The following ARID1B variants were observed in gnomAD, a reference collection of about 807,000 sequenced individuals.
The protein encoded by ARID1B is AT-rich interaction domain 1B.
Under a neutral mutation model 212.3 loss-of-function variants are expected in ARID1B, and 30 were observed. That is an observed-to-expected ratio of 0.14 (90% CI 0.11 to 0.19). ARID1B has a LOEUF of 0.19. Among genes scored for constraint, ARID1B ranks in the 10% least tolerant of loss-of-function variants. The pLI is 1.00. For synonymous variants in ARID1B, 1,402 were observed against 1,301.7 expected (o/e 1.08, Z -1.66); for missense variants, 2,891 against 3,204.0 (o/e 0.90, Z 2.36).
At chr6:156,913,613 T>C (rs752055725) in intron 3 of ARID1B, among the ~76,000 whole-genome samples, 1 of 152,266 alleles carries the variant, frequency 6.6e-6, no homozygotes, top group Non-Finnish European at 1.5e-5. Flanking sequence ...AAATTTTGTA[T>C]CTTTGATCGA....
chr6:157,204,442 A>G (rs988557892), intron 19 of ARID1B: 5 of 156,798 alleles, frequency 3.2e-5, no homozygotes, highest in African/African-American at 1.2e-4. Context: ...CAAGATTTAG[A>G]AATTTTATAT....
intron 3 of ARID1B, among the ~76,000 whole-genome samples, chr6:156,907,454 A>G (rs567408498): frequency 7.9e-5 from 12 of 152,346 alleles, no homozygotes; most frequent in Admixed American, 7.2e-4. Flanking sequence ...CTCACATTCT[A>G]TAATAAACAT....
intron 1 of ARID1B, among the ~76,000 whole-genome samples, chr6:156,808,926 A>T (rs1328491887): frequency 6.6e-6 from 1 of 152,190 alleles, no homozygotes; most frequent in Admixed American, 6.5e-5. Context: ...TGTACACACG[A>T]GTTTGTTTTA....
intron 4 of ARID1B, among the ~76,000 whole-genome samples, chr6:156,966,840 A>G (rs1794801445): frequency 6.6e-6 from 1 of 152,142 alleles, no homozygotes; most frequent in Non-Finnish European, 1.5e-5. Flanking sequence ...TGCTGGGATT[A>G]CAGGCATGTG....
chr6:157,151,214 CATT>C (rs2128641818), intron 8 of ARID1B: 1 of 152,240 alleles, frequency 6.6e-6, no homozygotes, highest in African/African-American at 2.4e-5. Context: ...CCATTGTTGT[CATT>C]GTTTTGTCTA....
intron 5 of ARID1B, among the ~76,000 whole-genome samples, chr6:157,097,045 T>C (rs1562614953): frequency 6.6e-6 from 1 of 152,218 alleles, no homozygotes. Context: ...TTTTAAGTTT[T>C]TCAGAATAGT....
Position 157,192,597 on chromosome 6 carries a change from G to A in ARID1B, c.4231+2387G>A, listed in dbSNP as rs573248657. Among the ~76,000 whole-genome samples, 4 of 152,292 alleles carry A rather than the reference G, an allele frequency of 2.6e-5. No individual in the cohort carries two copies. The East Asian group carries it at 7.7e-4, about 29-fold the overall frequency. ...GGACATAACCCCATCTTAAATTGAG[G>A]AGCATACTGAATGCCTGTCGCTTTC... On this transcript the variant is annotated intron_variant, in intron 15 of 19. Coordinates refer to ENST00000636930, the MANE Select transcript of ARID1B (RefSeq NM_001374828.1).
At chr6:156,856,700 TCACACACACA>T (rs141705209) in intron 2 of ARID1B, among the ~76,000 whole-genome samples, 9,666 of 114,532 alleles carry the variant, frequency 0.084, 509 homozygotes, top group East Asian at 0.23. Flanking sequence ...TCTCTCTCTC[TCACACACACA>T]CACACACACA....
At chr6:156,874,409 TC>T (rs1254462818) in intron 2 of ARID1B, among the ~76,000 whole-genome samples, 2 of 152,178 alleles carry the variant, frequency 1.3e-5, no homozygotes, top group African/African-American at 4.8e-5. Context: ...GCCCTGACTC[TC>T]CTGATTCCCC....
At chr6:157,141,369 T>C (rs1480279268) in intron 7 of ARID1B, 1 of 152,250 alleles carries the variant, frequency 6.6e-6, no homozygotes, top group Non-Finnish European at 1.5e-5. Context: ...TTGTGTAATA[T>C]TGTAAGTTTT....
intron 4 of ARID1B, among the ~76,000 whole-genome samples, chr6:157,051,926 A>G (rs1782631365): frequency 6.6e-6 from 1 of 152,228 alleles, no homozygotes; most frequent in Non-Finnish European, 1.5e-5. Flanking sequence ...TGTTATCTGT[A>G]TGGTTATTTA....
chr6:156,854,380 T>C (rs1784774195), intron 2 of ARID1B, among the ~76,000 whole-genome samples: 1 of 152,192 alleles, frequency 6.6e-6, no homozygotes. Context: ...TTCAGAAAAT[T>C]AAGGTTTCTT....
At chr6:157,178,916 C>T (rs1398680669) in intron 11 of ARID1B, among the ~76,000 whole-genome samples, 1 of 152,108 alleles carries the variant, frequency 6.6e-6, no homozygotes, top group Non-Finnish European at 1.5e-5. Flanking sequence ...GAGGACCAAA[C>T]CAGGAACGGC....
intron 4 of ARID1B, among the ~76,000 whole-genome samples, chr6:156,996,964 G>GA (rs201069484): frequency 2.0e-5 from 3 of 151,912 alleles, no homozygotes; most frequent in East Asian, 1.9e-4. Flanking sequence ...GTTGAGAAGG[G>GA]AAAAAAACGT....
intron 5 of ARID1B, among the ~76,000 whole-genome samples, chr6:157,097,271 C>T (rs1479009956): frequency 2.0e-5 from 3 of 152,200 alleles, no homozygotes; most frequent in African/African-American, 7.2e-5. Flanking sequence ...AGAAACCATG[C>T]CACCTATAGT....
At chr6:156,966,687 G>C (rs751520637) in intron 4 of ARID1B, among the ~76,000 whole-genome samples, 8 of 150,642 alleles carry the variant, frequency 5.3e-5, no homozygotes, top group Non-Finnish European at 1.0e-4. Flanking sequence ...GAGCCACTGC[G>C]CCTGGCCATA....
At chr6:157,057,208 G>C (rs1345261753) in intron 4 of ARID1B, among the ~76,000 whole-genome samples, 1 of 152,006 alleles carries the variant, frequency 6.6e-6, no homozygotes, top group East Asian at 1.9e-4. Context: ...GTGTTAGCCA[G>C]GATGGTCTCA....
In ARID1B at chr6:157,203,782, A is replaced by AT. The variant is rs1794267568; in HGVS notation, c.5264-78dup. 3 of 1,525,410 alleles carry AT rather than the reference A, an allele frequency of 2.0e-6. No individual in the cohort carries two copies. The Admixed American group carries it at 5.1e-5, about 26-fold the overall frequency. The allele number at this position is 1,525,410 out of a possible 1,614,324, so 94.5% of individuals were successfully genotyped here. On this transcript the variant is annotated intron_variant, in intron 18 of 19. Transcript: ENST00000636930. The surrounding 1 kb of genome is among the most constrained non-coding windows in gnomAD (Gnocchi z 4.4). ...CAATATTTAACTTAACACTCCACTT[A>AT]TTTTTTCTTACTCTTTCGTTAACTT...
intron 5 of ARID1B, among the ~76,000 whole-genome samples, chr6:157,090,677 T>C (rs1785219848): frequency 6.6e-6 from 1 of 152,248 alleles, no homozygotes; most frequent in Admixed American, 6.5e-5. Flanking sequence ...TTTTCACATT[T>C]CGTGCTTCGC....
Sources: gnomAD v4.1 joint callset for allele counts (sites outside exome capture counted in the v4.1 genomes callset) on GRCh38, gnomAD v4.1.1 for gene constraint, Gnocchi (gnomAD v3.1) non-coding constraint, MANE v1.5 for transcripts, NCBI Gene and HGNC (gene_info 2026-07-23, HGNC 2026-07-21) for gene names.